Variants in RALGAPA2 observed in about 807,000 individuals in gnomAD.
The protein encoded by RALGAPA2 is Ral GTPase activating protein catalytic subunit alpha 2.
A neutral mutation model predicts 230.4 loss-of-function variants in RALGAPA2; 139 were observed. The ratio of observed to expected loss-of-function variants is 0.60; its 90% CI spans 0.53 to 0.69. RALGAPA2 has a LOEUF of 0.69. RALGAPA2 is among the 30% of genes least tolerant of loss of function. The pLI, the probability that RALGAPA2 is intolerant of heterozygous loss-of-function variation, is 0.00. For missense variants in RALGAPA2, 2,163 were observed against 2,276.0 expected, an observed-to-expected ratio of 0.95 and a Z score of 1.01; for synonymous variants, 847 against 837.8, an observed-to-expected ratio of 1.01 and a Z score of -0.19.
In RALGAPA2 at chr20:20,572,979, G is replaced by A. The variant is rs367997553; in HGVS notation, c.2797C>T (p.Arg933Ter). Residue 933 changes from arginine to a stop codon, truncating the protein, a stop_gained, in exon 21 of 40, where the codon CGA becomes TGA. Coordinates refer to ENST00000202677, the MANE Select transcript of RALGAPA2 (RefSeq NM_020343.4). LOFTEE classifies it high-confidence loss of function. ...WHPDSAAVLW[R>*]RVLGILGDVN... ...TCTCCGAGGATCCCCAAGACCCTTC[G>A]CCATAACACAGCAGCAGAGTCTGGG... 6 of 1,607,396 alleles carry A rather than the reference G, an allele frequency of 3.7e-6. No individual in the cohort carries two copies. Among genetic ancestry groups the A allele is most frequent in the African/African-American group, 2.7e-5 (2 of 74,888 alleles).
chr20:20,477,085 C>T (rs910789188), intron 36 of RALGAPA2, among the ~76,000 whole-genome samples: 2 of 152,146 alleles, frequency 1.3e-5, no homozygotes, highest in South Asian at 4.2e-4. Context: ...TGAGATGGGG[C>T]ACGAGCAAGA....
chr20:20,470,416 G>A (rs893373758), intron 37 of RALGAPA2, among the ~76,000 whole-genome samples: 2 of 152,174 alleles, frequency 1.3e-5, no homozygotes, highest in Non-Finnish European at 1.5e-5. Flanking sequence ...CTACTCCAAA[G>A]TAATTCCACT....
intron 15 of RALGAPA2, among the ~76,000 whole-genome samples, chr20:20,602,241 T>C (rs2065677209): frequency 6.6e-6 from 1 of 152,212 alleles, no homozygotes; most frequent in African/African-American, 2.4e-5. Context: ...GTTAGAATAG[T>C]ACTGCATCCT....
At chr20:20,629,660 C>T in intron 9 of RALGAPA2, 70 bp from the exon 10 acceptor site, 1 of 1,507,226 alleles carries the variant, frequency 6.6e-7, no homozygotes, top group Non-Finnish European at 9.2e-7. Flanking sequence ...AAACTTCAGT[C>T]TTGCCTTGTT....
chr20:20,577,409 A>G (rs920219543), intron 20 of RALGAPA2, among the ~76,000 whole-genome samples: 1 of 152,190 alleles, frequency 6.6e-6, no homozygotes, highest in African/African-American at 2.4e-5. Flanking sequence ...GCCTTCCCAA[A>G]CACAGAAGCA....
At chr20:20,462,511 T>C (rs1907394885) in intron 37 of RALGAPA2, among the ~76,000 whole-genome samples, 1 of 152,134 alleles carries the variant, frequency 6.6e-6, no homozygotes, top group African/African-American at 2.4e-5. Flanking sequence ...TCTAAGGCTT[T>C]CAAAGCACAG....
chr20:20,627,670 G>A (rs1476952185), intron 10 of RALGAPA2, among the ~76,000 whole-genome samples: 2 of 152,266 alleles, frequency 1.3e-5, no homozygotes, highest in East Asian at 3.8e-4. Flanking sequence ...CTGTGCAGCA[G>A]AGGGAGGGCC....
At chr20:20,591,133 C>T in intron 17 of RALGAPA2, 44 bp downstream of exon 17, 2 of 1,590,982 alleles carry the variant, frequency 1.3e-6, no homozygotes, top group Non-Finnish European at 1.7e-6. Context: ...TATTCCTCTG[C>T]CAGAATCTAT....
At chr20:20,678,902 G>C (rs2068428596) in intron 2 of RALGAPA2, among the ~76,000 whole-genome samples, 1 of 152,054 alleles carries the variant, frequency 6.6e-6, no homozygotes, top group Non-Finnish European at 1.5e-5. Context: ...TGCACCTCAT[G>C]CACCAATAGG....
chr20:20,512,652 C>T lies in RALGAPA2; in HGVS notation c.4717G>A (p.Glu1573Lys). The T allele has an allele frequency of 1.9e-6, 3 of 1,613,992 alleles. No individual in the cohort carries two copies. The highest frequency in any genetic ancestry group is 2.5e-6 in the Non-Finnish European group (3 of 1,179,890). The change falls in exon 32 of 40, where the codon GAG becomes AAG. Residue 1573 changes from glutamate (E) to lysine (K), a missense_variant. Glu to Lys is a moderately conservative substitution (Grantham distance 56). Transcript: ENST00000202677. ...VILRQNAQEDEYIQSHNFDSA... is the reference protein window; with the variant it reads ...VILRQNAQEDKYIQSHNFDSA... ...TCGAAGTTATGACTCTGGATATACTCATCCTCTTGAGCATTTTGGCGCAAA... is the reference window on the plus strand; with the variant it reads ...TCGAAGTTATGACTCTGGATATACTTATCCTCTTGAGCATTTTGGCGCAAA...
chr20:20,639,787 G>T lies in RALGAPA2; in HGVS notation c.664C>A (p.Gln222Lys). The change falls in exon 7 of 40, where the codon CAG becomes AAG. Residue 222 changes from glutamine (Q) to lysine (K), a missense_variant and splice_region_variant. Coordinates refer to ENST00000202677, the MANE Select transcript of RALGAPA2 (RefSeq NM_020343.4). ...AATAGTCATAATTTTTCTCTGACCTGAATAACCATATACTTCAACAGTATT... is the reference window on the plus strand; with the variant it reads ...AATAGTCATAATTTTTCTCTGACCTTAATAACCATATACTTCAACAGTATT... ...LQILLKYMVI[Q>K]AASLEWKNKE... 6.3e-7 allele frequency: 1 copy of T among 1,598,902 alleles called. No individual in the cohort carries two copies. Among genetic ancestry groups the T allele is most frequent in the South Asian group, 1.1e-5 (1 of 90,700 alleles).
chr20:20,640,817 G>A lies in RALGAPA2; in HGVS notation c.434C>T (p.Ala145Val), dbSNP rs190129925. Residue 145 changes from alanine to valine, a missense_variant, in exon 6 of 40, where the codon GCA (alanine) becomes GTA (valine). Transcript: ENST00000202677. ...LWLQALQTNC[A>V]EEQVLIFACL... ...AGCAAAAATCAGAACCTGCTCTTCT[G>A]CACAGTTTGTCTGAAGTGCTTGAAG... The A allele has an allele frequency of 4.6e-4, 741 of 1,613,722 alleles. 4 individuals are homozygous for A. The Admixed American group carries it at 0.012, about 27-fold the overall frequency.
intron 36 of RALGAPA2, among the ~76,000 whole-genome samples, chr20:20,491,391 A>C (rs1368744373): frequency 6.6e-6 from 1 of 152,182 alleles, no homozygotes; most frequent in East Asian, 1.9e-4. Flanking sequence ...CTCCTGCTCA[A>C]GGCTGCTTCT....
chr20:20,430,134 T>C (rs1432803106), intron 37 of RALGAPA2, among the ~76,000 whole-genome samples: 2 of 152,220 alleles, frequency 1.3e-5, no homozygotes, highest in African/African-American at 4.8e-5. Context: ...TGCAGGACCA[T>C]GCTGCAGTGA....
chr20:20,712,554 G>C lies in RALGAPA2; in HGVS notation c.-74C>G. On this transcript the variant is annotated 5_prime_UTR_variant, in exon 1 of 40. Transcript: ENST00000202677. The surrounding 1 kb of genome is among the most constrained non-coding windows in gnomAD (Gnocchi z 5.5). ...GCCACGCGAATCAAAGCATAGGGTC[G>C]AGGCCGGCGCGTGTCGCGCGGGCCA... 7.4e-7 allele frequency: 1 copy of C among 1,357,396 alleles called. No individual in the cohort carries two copies. The highest frequency in any genetic ancestry group is 9.5e-7 in the Non-Finnish European group (1 of 1,055,754). 84.1% of individuals were successfully genotyped at this position (1,357,396 alleles called of 1,614,324 possible).
At chr20:20,425,658 C>T (rs926007634) in intron 37 of RALGAPA2, among the ~76,000 whole-genome samples, 10 of 152,136 alleles carry the variant, frequency 6.6e-5, no homozygotes, top group Non-Finnish European at 1.0e-4. Flanking sequence ...CCTTCCTGGC[C>T]GATTCAGACT....
chr20:20,503,058 C>T (rs940087695), intron 35 of RALGAPA2, among the ~76,000 whole-genome samples: 1 of 152,212 alleles, frequency 6.6e-6, no homozygotes, highest in African/African-American at 2.4e-5. Context: ...CCGCAGCAAG[C>T]CTCAGAGGGG....
intron 2 of RALGAPA2, 114 bp downstream of exon 2, chr20:20,680,577 G>A (rs2068483832): frequency 7.3e-7 from 1 of 1,366,870 alleles, no homozygotes; most frequent in South Asian, 1.7e-5. Flanking sequence ...TCACAGCTTT[G>A]CTAAAGGCTT....
chr20:20,568,209 T>A (rs1257019856), intron 23 of RALGAPA2, among the ~76,000 whole-genome samples: 1 of 152,148 alleles, frequency 6.6e-6, no homozygotes, highest in East Asian at 1.9e-4. Context: ...CTAACATCAA[T>A]TTTTAAAAAA....
Sources: gnomAD v4.1 joint callset for allele counts (sites outside exome capture counted in the v4.1 genomes callset) on GRCh38, gnomAD v4.1.1 for gene constraint, Gnocchi (gnomAD v3.1) non-coding constraint, MANE v1.5 for transcripts, NCBI Gene and HGNC (gene_info 2026-07-23, HGNC 2026-07-21) for gene names.